Variants in TMC3 observed in about 807,000 individuals in gnomAD.
The protein encoded by TMC3 is transmembrane channel-like protein 3.
TMC3 carries 98 observed loss-of-function variants against 110.6 expected under a neutral mutation model. That is an observed-to-expected ratio of 0.89 (90% confidence interval 0.75 to 1.05). The LOEUF (loss-of-function observed/expected upper bound fraction) is 1.05. TMC3 is among the 50% of genes least tolerant of loss of function. TMC3 has a pLI of 0.00. For synonymous variants in TMC3, 489 were observed against 513.1 expected (o/e 0.95, Z 0.63); for missense variants, 1,319 against 1,373.2 (o/e 0.96, Z 0.62).
At chr15:81,362,669 C>A (rs4485316) in intron 3 of TMC3, among the ~76,000 whole-genome samples, 38,472 of 151,978 alleles carry the variant, frequency 0.25, 5,368 homozygotes, top group South Asian at 0.55. Flanking sequence ...AAAAAAAAAT[C>A]TTTTTAACTT....
At chr15:81,337,986 A>AT in intron 18 of TMC3, 62 bp from the exon 19 acceptor site, 4 of 1,323,842 alleles carry the variant, frequency 3.0e-6, no homozygotes, top group Non-Finnish European at 4.4e-6. Context: ...TTTTCAGACC[A>AT]CATTCCCTGC....
At chr15:81,373,045 CAA>C (rs937197944) in intron 1 of TMC3, among the ~76,000 whole-genome samples, 1 of 152,106 alleles carries the variant, frequency 6.6e-6, no homozygotes, top group African/African-American at 2.4e-5. Context: ...CAAGATGAGA[CAA>C]GAGGGTATTT....
rs147678536 is a variant in TMC3 at position 81,345,016 on chromosome 15, GGAGA to G, written c.1273-9_1273-6del. 804 of 1,371,976 alleles carry G rather than the reference GGAGA, an allele frequency of 5.9e-4. 2 individuals carry two copies. Among genetic ancestry groups the G allele is most frequent in the Middle Eastern group, 4.4e-3 (24 of 5,472 alleles). The allele number at this position is 1,371,976 out of a possible 1,614,324, so 85.0% of individuals were successfully genotyped here. Reference sequence around the variant, plus strand: ...GTTATTTTTGGTAGCCATTTCCTGGGGAGAGAGAGAGAGAGAGAGAGGGAAGCAG... The same window carrying G: ...GTTATTTTTGGTAGCCATTTCCTGGGGAGAGAGAGAGAGAGAGGGAAGCAG... On this transcript the variant is annotated splice_region_variant and splice_polypyrimidine_tract_variant and intron_variant, in intron 12 of 21. Coordinates refer to ENST00000359440, the MANE Select transcript of TMC3 (RefSeq NM_001080532.3).
chr15:81,362,175 A>G (rs373565628), intron 4 of TMC3, 45 bp downstream of exon 4: 2 of 1,518,496 alleles, frequency 1.3e-6, no homozygotes, highest in African/African-American at 2.7e-5. Flanking sequence ...GTGACTGGCC[A>G]CTAGCATTGC....
intron 9 of TMC3, among the ~76,000 whole-genome samples, chr15:81,352,391 A>T (rs1013075010): frequency 6.6e-6 from 1 of 152,168 alleles, no homozygotes; most frequent in African/African-American, 2.4e-5. Context: ...AAAAATTCCT[A>T]TGGCCTAGGA....
At chr15:81,363,913 T>A (rs1894247272) in intron 3 of TMC3, among the ~76,000 whole-genome samples, 1 of 152,194 alleles carries the variant, frequency 6.6e-6, no homozygotes, top group Non-Finnish European at 1.5e-5. Context: ...TGGCCCGTTT[T>A]AAAGCCCTGA....
At chr15:81,353,082 A>G (rs1567066052) in intron 9 of TMC3, among the ~76,000 whole-genome samples, 1 of 152,172 alleles carries the variant, frequency 6.6e-6, no homozygotes, top group Admixed American at 6.5e-5. Context: ...TCGGCCTCCC[A>G]AAGTGCTGGG....
chr15:81,356,438 C>G lies in TMC3; in HGVS notation c.891+9G>C. On this transcript the variant is annotated intron_variant, in intron 8 of 21. Transcript: ENST00000359440. ...CACCCCCGCAGGCTGCACAGGCTCA[C>G]TCACTCACCCTGATGCTGTTCACTA... The G allele has an allele frequency of 6.4e-7, 1 of 1,562,268 alleles. No individual in the cohort carries two copies. Among genetic ancestry groups the G allele is most frequent in the Non-Finnish European group, 8.7e-7 (1 of 1,153,320 alleles).
In TMC3 at chr15:81,335,075, G is replaced by A; in HGVS notation, c.2204-100C>T. The stretch of plus-strand genomic sequence containing the variant: ...AAGGGTTTTATGACATCCAAGAGTT[G>A]GTCCGCAAACAATTGAGTGCACTTA... On this transcript the variant is annotated intron_variant, in intron 20 of 21. Coordinates refer to ENST00000359440, the MANE Select transcript of TMC3 (RefSeq NM_001080532.3). 4.4e-6 allele frequency: 6 copies of A among 1,355,130 alleles called. No homozygotes were observed. In the East Asian group the frequency reaches 1.2e-4, roughly 28 times the overall value. The allele number at this position is 1,355,130 out of a possible 1,614,324, so 83.9% of individuals were successfully genotyped here. A position where few individuals can be genotyped will look rare whatever the true frequency, so the allele number is the denominator to read the frequency against.
intron 4 of TMC3, among the ~76,000 whole-genome samples, chr15:81,361,562 T>A (rs1894188534): frequency 6.6e-6 from 1 of 152,226 alleles, no homozygotes; most frequent in Non-Finnish European, 1.5e-5. Flanking sequence ...TATTTTTCCT[T>A]CCATATAAGT....
chr15:81,373,676 T>C (rs941153066), intron 1 of TMC3, among the ~76,000 whole-genome samples: 7 of 152,218 alleles, frequency 4.6e-5, no homozygotes, highest in Non-Finnish European at 8.8e-5. Flanking sequence ...TCTCTTGACA[T>C]TGCTGATTGA....
rs59666768 is a variant in TMC3 at position 81,365,686 on chromosome 15, GA to G, written c.312+2566del. 4.7e-3 allele frequency among the ~76,000 whole-genome samples: 433 copies of G among 91,648 alleles called. 5 individuals are homozygous for G. Among genetic ancestry groups the G allele is most frequent in the African/African-American group, 0.014 (410 of 29,180 alleles). The allele number at this position is 91,648 out of a possible 152,430, so 60.1% of individuals were successfully genotyped here. A position where few individuals can be genotyped will look rare whatever the true frequency, so the allele number is the denominator to read the frequency against. On this transcript the variant is annotated intron_variant, in intron 3 of 21. Transcript: ENST00000359440. Reference sequence around the variant, plus strand: ...ACTCTGTCTCAAAAAAAAAAAAAAAGAAAAAGAAAAAAAAGAAAAAAGCAAA... The same window carrying G: ...ACTCTGTCTCAAAAAAAAAAAAAAAGAAAAGAAAAAAAAGAAAAAAGCAAA...
chr15:81,337,197 C>T (rs534311036), intron 19 of TMC3, among the ~76,000 whole-genome samples: 1 of 152,148 alleles, frequency 6.6e-6, no homozygotes, highest in African/African-American at 2.4e-5. Flanking sequence ...CAGCATTACG[C>T]TTACAGAGCC....
chr15:81,358,916 C>T (rs185361610), intron 5 of TMC3, among the ~76,000 whole-genome samples: 57 of 152,238 alleles, frequency 3.7e-4, no homozygotes, highest in African/African-American at 1.4e-3. Context: ...GAATAATGTA[C>T]ACAGTCTGGG....
intron 2 of TMC3, among the ~76,000 whole-genome samples, chr15:81,369,353 C>T (rs989352228): frequency 6.6e-6 from 1 of 151,958 alleles, no homozygotes; most frequent in African/African-American, 2.4e-5. Context: ...TGCAACGTCT[C>T]CATCTTAATA....
intron 7 of TMC3, 22 bp downstream of exon 7, chr15:81,358,127 T>C: frequency 1.9e-6 from 3 of 1,562,520 alleles, no homozygotes; most frequent in Non-Finnish European, 2.6e-6. Context: ...GATATGTATT[T>C]TGAGAAATTG....
In TMC3 at chr15:81,359,942, A is replaced by G. The variant is rs548382921; in HGVS notation, c.395-471T>C. ...GACCGTGGGTGAAGGGTACACGGGA[A>G]TTCTCTTTCCAACTTTTCTATACAT... On this transcript the variant is annotated intron_variant, in intron 4 of 21. Transcript: ENST00000359440. Among the ~76,000 whole-genome samples the G allele has an allele frequency of 9.8e-5, 15 of 152,306 alleles. No homozygotes were observed. In the South Asian group the frequency reaches 3.1e-3, roughly 32 times the overall value.
chr15:81,345,140 C>A, intron 12 of TMC3, 129 bp from the exon 13 acceptor site: 1 of 1,430,668 alleles, frequency 7.0e-7, no homozygotes, highest in South Asian at 1.5e-5. Context: ...AATCATTCAT[C>A]CTCTTTCTCT....
chr15:81,336,565 C>T, intron 20 of TMC3, 44 bp downstream of exon 20: 2 of 1,604,174 alleles, frequency 1.2e-6, no homozygotes, highest in Non-Finnish European at 8.5e-7. Flanking sequence ...AAGACTCTGC[C>T]TCAAAACAAA....
Sources: allele counts gnomAD v4.1 joint callset (sites outside exome capture counted in the v4.1 genomes callset), GRCh38; gene constraint gnomAD v4.1.1; transcripts MANE v1.5; gene names NCBI Gene and HGNC (gene_info 2026-07-23, HGNC 2026-07-21).